The following SLC4A4 variants were observed in gnomAD, a reference collection of about 807,000 sequenced individuals.
The protein encoded by SLC4A4 is electrogenic sodium bicarbonate cotransporter 1.
In SLC4A4, 27 loss-of-function variants were observed where a neutral mutation model predicts 111.5. The observed-to-expected ratio is 0.24, with a 90% CI of 0.18 to 0.33. The LOEUF (loss-of-function observed/expected upper bound fraction) is 0.33, where lower values mean the gene tolerates loss of function less well. SLC4A4 is among the 10% of genes least tolerant of loss of function. The probability of loss-of-function intolerance (pLI) is 1.00; values close to 1 mark genes in which losing one functional copy is unlikely to be tolerated. For missense variants in SLC4A4, 909 were observed against 1,315.5 expected (o/e 0.69, Z 4.78); for synonymous variants, 443 against 463.4 (o/e 0.96, Z 0.57).
chr4:71,484,267 G>A (rs28851263), intron 14 of SLC4A4, among the ~76,000 whole-genome samples: 2,393 of 151,858 alleles, frequency 0.016, 56 homozygotes, highest in African/African-American at 0.052. Context: ...GTCCTGAATG[G>A]TATTGCCTAC....
At chr4:71,193,229 G>A (rs1050308845) in intron 1 of SLC4A4, among the ~76,000 whole-genome samples, 1 of 152,112 alleles carries the variant, frequency 6.6e-6, no homozygotes, top group Admixed American at 6.5e-5. Context: ...GCCGGATCTC[G>A]GCTCACTGCA....
At chr4:71,096,411 GAGA>G (rs1328951713) in intron 2 of SLC4A4, among the ~76,000 whole-genome samples, 1 of 152,158 alleles carries the variant, frequency 6.6e-6, no homozygotes, top group African/African-American at 2.4e-5. Context: ...CAAAGAAGAT[GAGA>G]AGGACAGTTC....
chr4:71,148,296 G>C (rs998881547), intron 2 of SLC4A4, among the ~76,000 whole-genome samples: 47 of 151,830 alleles, frequency 3.1e-4, no homozygotes, highest in African/African-American at 1.1e-3. Flanking sequence ...TTTTCCCACT[G>C]GTCTCTCTCG....
At chr4:71,417,095 C>CTG (rs2149011110) in intron 7 of SLC4A4, among the ~76,000 whole-genome samples, 1 of 152,296 alleles carries the variant, frequency 6.6e-6, no homozygotes, top group East Asian at 1.9e-4. Flanking sequence ...GATGCCACAA[C>CTG]ACAGGTGTGA....
chr4:71,257,635 A>C (rs1184562770), intron 3 of SLC4A4, among the ~76,000 whole-genome samples: 9 of 152,180 alleles, frequency 5.9e-5, no homozygotes, highest in Non-Finnish European at 1.2e-4. Flanking sequence ...CTACTATACT[A>C]TTATTGTCTC....
chr4:71,525,939 G>T (rs1241332470), intron 16 of SLC4A4, among the ~76,000 whole-genome samples: 2 of 151,946 alleles, frequency 1.3e-5, no homozygotes, highest in African/African-American at 4.8e-5. Context: ...AAAACTGTGA[G>T]AAGGGCCCAA....
At chr4:71,332,445 CTTTT>C (rs1217439953) in intron 3 of SLC4A4, among the ~76,000 whole-genome samples, 1 of 136,894 alleles carries the variant, frequency 7.3e-6, no homozygotes, top group Admixed American at 7.3e-5. Context: ...TGTGTATTTT[CTTTT>C]TTTTTTTTTT....
chr4:71,185,338 G>C (rs1182983967), upstream of SLC4A4, among the ~76,000 whole-genome samples: 10 of 152,274 alleles, frequency 6.6e-5, no homozygotes, highest in Non-Finnish European at 5.9e-5. Context: ...CTTACTTTGC[G>C]GTTGCTGATT....
chr4:71,358,911 A>G (rs1730517963), intron 6 of SLC4A4, among the ~76,000 whole-genome samples: 2 of 152,198 alleles, frequency 1.3e-5, no homozygotes, highest in Non-Finnish European at 2.9e-5. Flanking sequence ...TGAAATCCCA[A>G]TATTTGCTGA....
chr4:71,478,150 CACACT>C (rs1306542944), intron 14 of SLC4A4, among the ~76,000 whole-genome samples: 1 of 151,798 alleles, frequency 6.6e-6, no homozygotes, highest in Non-Finnish European at 1.5e-5. Context: ...GGAATGTTTT[CACACT>C]GTTGGTGGGA....
At chr4:71,355,486 G>A (rs1274518172) in intron 5 of SLC4A4, among the ~76,000 whole-genome samples, 1 of 152,142 alleles carries the variant, frequency 6.6e-6, no homozygotes, top group East Asian at 1.9e-4. Context: ...AATACTCAGA[G>A]CTAAAAACCA....
intron 3 of SLC4A4, among the ~76,000 whole-genome samples, chr4:71,290,230 GT>G (rs1724233418): frequency 6.6e-6 from 1 of 152,214 alleles, no homozygotes; most frequent in Non-Finnish European, 1.5e-5. Flanking sequence ...CAAGGTGATA[GT>G]TCAGTAATGC....
At chr4:71,230,805 T>G (rs968461470) in intron 1 of SLC4A4, among the ~76,000 whole-genome samples, 4 of 151,848 alleles carry the variant, frequency 2.6e-5, no homozygotes, top group Non-Finnish European at 5.9e-5. Flanking sequence ...AGCTCCGGAG[T>G]GGATCCTCTA....
intron 3 of SLC4A4, among the ~76,000 whole-genome samples, chr4:71,286,815 A>G (rs944855674): frequency 6.6e-6 from 1 of 152,154 alleles, no homozygotes; most frequent in Non-Finnish European, 1.5e-5. Context: ...GGCAGGTTTT[A>G]TTATGTGCCA....
rs560225496 is a variant in SLC4A4, at chr4:71,315,965, GT to G, written c.254-23403del. On this transcript the variant is annotated intron_variant, in intron 3 of 25. Transcript: ENST00000264485. The stretch of plus-strand genomic sequence containing the variant: ...CTTCACTTTGTTGCATAAGAAACCA[GT>G]TAGGATCCAAAGCTGCAAAGAAAGA... Among the ~76,000 whole-genome samples the G allele has an allele frequency of 1.7e-4, 26 of 152,276 alleles. No individual in the cohort carries two copies. In the South Asian group the frequency reaches 5.0e-3, roughly 29 times the overall value.
intron 6 of SLC4A4, among the ~76,000 whole-genome samples, chr4:71,394,364 A>G (rs1719597997): frequency 6.6e-6 from 1 of 152,192 alleles, no homozygotes; most frequent in Non-Finnish European, 1.5e-5. Flanking sequence ...GGTTCTCAAA[A>G]GAAGATATGC....
At chr4:71,357,283 T>G in intron 6 of SLC4A4, 96 bp downstream of exon 6, 5 of 1,323,450 alleles carry the variant, frequency 3.8e-6, no homozygotes, top group Non-Finnish European at 5.4e-6. Flanking sequence ...TTCTCCATAT[T>G]TTTTCTTTTC....
At chr4:71,398,124 A>G (rs1447741120) in intron 7 of SLC4A4, among the ~76,000 whole-genome samples, 1 of 152,042 alleles carries the variant, frequency 6.6e-6, no homozygotes, top group Non-Finnish European at 1.5e-5. Flanking sequence ...GTCTCTACTA[A>G]AACCACAAAA....
chr4:71,429,743 C>T (rs1723470004), intron 7 of SLC4A4, among the ~76,000 whole-genome samples: 1 of 152,046 alleles, frequency 6.6e-6, no homozygotes, highest in Non-Finnish European at 1.5e-5. Flanking sequence ...GCATAAAATC[C>T]AGGCTGGTTA....
Sources: allele counts gnomAD v4.1 joint callset (sites outside exome capture counted in the v4.1 genomes callset), GRCh38; gene constraint gnomAD v4.1.1; transcripts MANE v1.5; gene names NCBI Gene and HGNC (gene_info 2026-07-23, HGNC 2026-07-21).